Variants in CACNA2D4 observed in about 807,000 individuals in gnomAD.
CACNA2D4 encodes the protein calcium voltage-gated channel auxiliary subunit alpha2delta 4, also known as voltage-dependent calcium channel subunit alpha-2/delta-4.
Under a neutral mutation model 163.8 loss-of-function variants are expected in CACNA2D4, and 157 were observed. The ratio of observed to expected loss-of-function variants is 0.96; its 90% CI spans 0.84 to 1.09. The LOEUF (loss-of-function observed/expected upper bound fraction) is 1.09. CACNA2D4 is among the 50% of genes least tolerant of loss of function. The pLI is 0.00. For missense variants in CACNA2D4, 1,410 were observed against 1,479.9 expected (o/e 0.95, Z 0.78); for synonymous variants, 598 against 586.9 (o/e 1.02, Z -0.27).
chr12:1,842,320 C>T (rs1473339652), intron 25 of CACNA2D4, among the ~76,000 whole-genome samples: 3 of 152,162 alleles, frequency 2.0e-5, no homozygotes, highest in Non-Finnish European at 4.4e-5. Flanking sequence ...TCCACGTGGT[C>T]GGGACTTAGC....
At chr12:1,835,126 G>A in intron 26 of CACNA2D4, 1 of 182,058 alleles carries the variant, frequency 5.5e-6, no homozygotes, top group Non-Finnish European at 1.1e-5. Context: ...GGGACGGGGA[G>A]GGAGGGATCT....
At position 1,887,009 on chromosome 12, in the gene CACNA2D4, C is replaced by G; in HGVS notation, c.842G>C (p.Trp281Ser). The G allele has an allele frequency of 6.3e-7, 1 of 1,585,852 alleles. No individual in the cohort carries two copies. Among genetic ancestry groups the G allele is most frequent in the Admixed American group, 1.7e-5 (1 of 58,118 alleles). Reference sequence around the variant, plus strand: ...AAACCTTTCCCCTGTGAGCTCTTACCAGCCGCGGTTTCGGCAGTCAAAAGT... The same window carrying G: ...AAACCTTTCCCCTGTGAGCTCTTACGAGCCGCGGTTTCGGCAGTCAAAAGT... The part of the protein sequence containing the change: ...VITFDCRNRG[W>S]YIQAATSPKD... Residue 281 changes from tryptophan (W) to serine (S), a missense_variant and splice_region_variant, in exon 7 of 38, where the codon TGG becomes TCG. Coordinates refer to ENST00000382722, the MANE Select transcript of CACNA2D4 (RefSeq NM_172364.5).
chr12:1,809,023 A>G (rs1427566327), intron 29 of CACNA2D4, among the ~76,000 whole-genome samples: 1 of 152,168 alleles, frequency 6.6e-6, no homozygotes, highest in African/African-American at 2.4e-5. Context: ...GTTGAACGAA[A>G]CCATCTTTGG....
At position 1,833,366 on chromosome 12, in the gene CACNA2D4, A is replaced by G. The variant is rs895807430; in HGVS notation, c.2551+7373T>C. Among the ~76,000 whole-genome samples the G allele has an allele frequency of 6.6e-6, 1 of 152,108 alleles. No individual in the cohort carries two copies. Among genetic ancestry groups the G allele is most frequent in the African/African-American group, 2.4e-5 (1 of 41,418 alleles). On this transcript the variant is annotated intron_variant, in intron 26 of 37. Coordinates refer to ENST00000382722, the MANE Select transcript of CACNA2D4 (RefSeq NM_172364.5). The surrounding 1 kb of genome is among the most constrained non-coding windows in gnomAD (Gnocchi z 4.2). ...GGCCAGAATCCAACTTTCACTTCCT[A>G]GGGGAGGTCTAGACAGATTATTGTC... is the stretch of plus-strand genomic sequence containing the variant.
intron 6 of CACNA2D4, among the ~76,000 whole-genome samples, chr12:1,893,030 C>CT (rs1866323134): frequency 6.6e-6 from 1 of 152,120 alleles, no homozygotes; most frequent in Admixed American, 6.5e-5. Flanking sequence ...GAGACAGACT[C>CT]CAATACAATA....
Position 1,917,032 on chromosome 12 carries a change from G to A in CACNA2D4, c.227+1215C>T, listed in dbSNP as rs1867001335. The stretch of plus-strand genomic sequence containing the variant: ...CCTATCAGCTGGTGTGTGTTCTGGG[G>A]ATGAAAATTGTTCTGAACATCTCCT... On this transcript the variant is annotated intron_variant, in intron 1 of 37. Coordinates refer to ENST00000382722, the MANE Select transcript of CACNA2D4 (RefSeq NM_172364.5). This position sits in a 1 kb window ranked among gnomAD's most constrained non-coding sequence, Gnocchi z 4.3. 6.6e-6 allele frequency among the ~76,000 whole-genome samples: 1 copy of A among 152,160 alleles called. No homozygotes were observed. The highest frequency in any genetic ancestry group is 1.5e-5 in the Non-Finnish European group (1 of 68,036).
chr12:1,839,189 G>A (rs1414924070), intron 26 of CACNA2D4, among the ~76,000 whole-genome samples: 4 of 152,200 alleles, frequency 2.6e-5, no homozygotes, highest in South Asian at 2.1e-4. Flanking sequence ...ATCCTGCTGC[G>A]AGAGTCCTCA....
intron 23 of CACNA2D4, among the ~76,000 whole-genome samples, chr12:1,852,574 T>C (rs548711124): frequency 3.3e-4 from 50 of 152,286 alleles, no homozygotes; most frequent in South Asian, 2.7e-3. Flanking sequence ...TGGAGATGGT[T>C]ATGTATTTTT....
At chr12:1,838,374 T>C (rs1401664938) in intron 26 of CACNA2D4, among the ~76,000 whole-genome samples, 1 of 152,110 alleles carries the variant, frequency 6.6e-6, no homozygotes, top group East Asian at 1.9e-4. Flanking sequence ...TCAGCAGGCC[T>C]GGCGCTCACA....
rs746617335 is a variant in CACNA2D4, at chr12:1,797,497, C to A, written c.3034G>T (p.Asp1012Tyr). ...TACACGAACACGGGGTACTCCGTGT[C>A]GCAGGGCTGCAGCGGGTCCTGCTTC... ...HKKQDPLQPC[D>Y]TEYPVFVYQP... is the part of the protein sequence containing the mutation. The change falls in exon 35 of 38, where the codon GAC (aspartate) becomes TAC (tyrosine). Residue 1012 changes from aspartate to tyrosine, a missense_variant. Asp to Tyr is a radical substitution (Grantham distance 160). Transcript: ENST00000382722. The A allele has an allele frequency of 6.3e-7, 1 of 1,583,536 alleles. No homozygotes were observed. Among genetic ancestry groups the A allele is most frequent in the Non-Finnish European group, 8.6e-7 (1 of 1,166,632 alleles).
chr12:1,864,572 G>C (rs1865598770), intron 18 of CACNA2D4, among the ~76,000 whole-genome samples: 1 of 152,234 alleles, frequency 6.6e-6, no homozygotes, highest in African/African-American at 2.4e-5. Context: ...TGTGCCTGCT[G>C]CCGTGCGGGT....
In CACNA2D4 at chr12:1,834,067, C is replaced by T. The variant is rs1008180203; in HGVS notation, c.2551+6672G>A. 5.3e-5 allele frequency among the ~76,000 whole-genome samples: 8 copies of T among 152,222 alleles called. No homozygotes were observed. Among genetic ancestry groups the T allele is most frequent in the East Asian group, 1.9e-4 (1 of 5,204 alleles). On this transcript the variant is annotated intron_variant, in intron 26 of 37. Transcript: ENST00000382722. This position sits in a 1 kb window ranked among gnomAD's most constrained non-coding sequence, Gnocchi z 7.6. ...TGCGAGGATGAAATGGCACGATATA[C>T]GTAACTCACTGTGGACTTGGCTCAA...
chr12:1,804,704 A>T (rs960963903), intron 29 of CACNA2D4, among the ~76,000 whole-genome samples: 1 of 152,158 alleles, frequency 6.6e-6, no homozygotes, highest in South Asian at 2.1e-4. Context: ...GCTGGGAGGG[A>T]CTTCCGGGAA....
intron 37 of CACNA2D4, 71 bp downstream of exon 37, chr12:1,795,228 G>T: frequency 1.4e-6 from 2 of 1,406,470 alleles, no homozygotes; most frequent in Non-Finnish European, 9.9e-7. Flanking sequence ...CTGTCTGCAG[G>T]GGCACAGACC....
intron 23 of CACNA2D4, among the ~76,000 whole-genome samples, chr12:1,850,869 G>A (rs905993684): frequency 1.4e-5 from 2 of 139,260 alleles, no homozygotes; most frequent in Admixed American, 7.4e-5. Context: ...GCGACAGAGC[G>A]AGACTCCGTC....
intron 26 of CACNA2D4, among the ~76,000 whole-genome samples, chr12:1,826,847 G>T (rs1343424404): frequency 6.6e-6 from 1 of 152,202 alleles, no homozygotes; most frequent in East Asian, 1.9e-4. Context: ...TGCCCGAGGG[G>T]AAACCTGCAC....
At chr12:1,877,674 TA>T (rs1305599367) in intron 16 of CACNA2D4, among the ~76,000 whole-genome samples, 6 of 152,160 alleles carry the variant, frequency 3.9e-5, no homozygotes, top group Non-Finnish European at 5.9e-5. Flanking sequence ...ATAAGACTGG[TA>T]GAGGGCAAAG....
rs200701948 is a variant in CACNA2D4, at chr12:1,793,789, G to A, written c.3310-30C>T. 1,653 of 1,578,442 alleles carry A rather than the reference G, an allele frequency of 1.0e-3. 4 individuals carry two copies. The highest frequency in any genetic ancestry group is 1.4e-3 in the Non-Finnish European group (1,586 of 1,150,602). ...GAACGCAGAGCAGAGGTGACAGCGCGGCGCTCAGAGGAGGACCCTCAAAAA... is the reference window on the plus strand; with the variant it reads ...GAACGCAGAGCAGAGGTGACAGCGCAGCGCTCAGAGGAGGACCCTCAAAAA... On this transcript the variant is annotated intron_variant, in intron 37 of 37. Transcript: ENST00000382722.
rs1866139761 is a variant in CACNA2D4, at chr12:1,886,211, A to T, written c.993+12T>A. ...AAGTGAGAGCTATTCTAGAACAGGAAGGCACATTTACCGCTATGATATTAA... is the reference window on the plus strand; with the variant it reads ...AAGTGAGAGCTATTCTAGAACAGGATGGCACATTTACCGCTATGATATTAA... On this transcript the variant is annotated intron_variant, in intron 8 of 37. Coordinates refer to ENST00000382722, the MANE Select transcript of CACNA2D4 (RefSeq NM_172364.5). 6.2e-7 allele frequency: 1 copy of T among 1,611,608 alleles called. No homozygotes were observed. The highest frequency in any genetic ancestry group is 2.2e-5 in the East Asian group (1 of 44,866).
Sources: allele counts gnomAD v4.1 joint callset (sites outside exome capture counted in the v4.1 genomes callset), GRCh38; gene constraint gnomAD v4.1.1; non-coding constraint Gnocchi (gnomAD v3.1); transcripts MANE v1.5; gene names NCBI Gene and HGNC (gene_info 2026-07-23, HGNC 2026-07-21).